The following PCSK5 variants were observed in gnomAD, a reference collection of about 807,000 sequenced individuals.
PCSK5 encodes the protein proprotein convertase subtilisin/kexin type 5, also known as prohormone convertase 5.
PCSK5 carries 129 observed loss-of-function variants against 233.2 expected under a neutral mutation model. That is an observed-to-expected ratio of 0.55 (90% CI 0.48 to 0.64). The LOEUF (loss-of-function observed/expected upper bound fraction) is 0.64, where lower values mean the gene tolerates loss of function less well. PCSK5 is among the 30% of genes least tolerant of loss of function. The pLI is 0.00. For synonymous variants in PCSK5, 825 were observed against 879.2 expected, an observed-to-expected ratio of 0.94 and a Z score of 1.09; for missense variants, 2,076 against 2,430.1, an observed-to-expected ratio of 0.85 and a Z score of 3.06.
At chr9:76,282,306 TTTTC>T (rs1166000696) in intron 24 of PCSK5, among the ~76,000 whole-genome samples, 2 of 149,992 alleles carry the variant, frequency 1.3e-5, no homozygotes, top group Non-Finnish European at 1.5e-5. Context: ...ATTTCCAATT[TTTTC>T]TTTCTTTCTT....
chr9:76,050,306 C>T (rs1212978059), intron 5 of PCSK5, among the ~76,000 whole-genome samples: 3 of 152,062 alleles, frequency 2.0e-5, no homozygotes, highest in Admixed American at 6.5e-5. Context: ...TTTGCTACTT[C>T]AGAAATATTT....
intron 22 of PCSK5, among the ~76,000 whole-genome samples, chr9:76,235,413 G>A (rs973078399): frequency 3.3e-5 from 5 of 152,162 alleles, no homozygotes; most frequent in East Asian, 3.8e-4. Flanking sequence ...CCAAACAAAT[G>A]TCTAGTCTTC....
chr9:75,908,933 C>CTCTCTCTA (rs1822567560), intron 1 of PCSK5, among the ~76,000 whole-genome samples: 6 of 94,588 alleles, frequency 6.3e-5, no homozygotes, highest in East Asian at 3.2e-4. Context: ...CTCTCTATCT[C>CTCTCTCTA]TCTCTCTGTC....
At chr9:75,938,867 A>C (rs1305143737) in intron 2 of PCSK5, among the ~76,000 whole-genome samples, 1 of 152,122 alleles carries the variant, frequency 6.6e-6, no homozygotes, top group African/African-American at 2.4e-5. Flanking sequence ...GTGGGGGTAC[A>C]TTTGTGGGTT....
Position 76,350,910 on chromosome 9 carries a change from G to T in PCSK5, c.5049G>T (p.Gly1683=). ...GGICTSDCLV[G]EYRVGEGEKF... ...TCTGCACCTCGGACTGTCTTGTGGG[G>T]GAATACAGAGTGGGAGAGGTATGGA... is the stretch of plus-strand genomic sequence containing the variant. Residue 1683 remains glycine (G), a synonymous_variant, in exon 36 of 38, where the codon GGG becomes GGT. Coordinates refer to ENST00000674117, the MANE Select transcript of PCSK5 (RefSeq NM_001372043.1). 1 of 1,598,952 alleles carries T rather than the reference G, an allele frequency of 6.3e-7. No individual in the cohort carries two copies. The highest frequency in any genetic ancestry group is 1.1e-5 in the South Asian group (1 of 90,216).
chr9:76,081,371 T>C (rs1830827613), intron 7 of PCSK5, among the ~76,000 whole-genome samples: 1 of 152,064 alleles, frequency 6.6e-6, no homozygotes, highest in Non-Finnish European at 1.5e-5. Flanking sequence ...GGAGAATCAC[T>C]TGAACCCGGG....
At chr9:76,285,667 G>A (rs529141722) in intron 24 of PCSK5, among the ~76,000 whole-genome samples, 6 of 152,230 alleles carry the variant, frequency 3.9e-5, no homozygotes, top group South Asian at 4.2e-4. Flanking sequence ...CCAGTTTTGC[G>A]GAGGGTTGAT....
chr9:75,990,195 G>A (rs921991573), intron 3 of PCSK5, among the ~76,000 whole-genome samples: 27 of 152,174 alleles, frequency 1.8e-4, no homozygotes, highest in African/African-American at 6.3e-4. Flanking sequence ...TGAGCCCTGA[G>A]CTGCTGCAGT....
rs146826977 is a variant in PCSK5 at position 75,931,733 on chromosome 9, T to C, written c.193-646T>C. Among the ~76,000 whole-genome samples the C allele has an allele frequency of 5.7e-3, 865 of 152,326 alleles. 6 individuals are homozygous for C. Among genetic ancestry groups the C allele is most frequent in the Non-Finnish European group, 9.1e-3 (616 of 68,024 alleles). On this transcript the variant is annotated intron_variant, in intron 1 of 37. Coordinates refer to ENST00000674117, the MANE Select transcript of PCSK5 (RefSeq NM_001372043.1). ...AGGACTAGAATGTTAGAGAAACGGA[T>C]AAGATAAAGTAGAACCAACTGTTTT...
At chr9:76,308,827 A>T (rs1349779351) in intron 29 of PCSK5, 99 bp downstream of exon 29, 1 of 698,668 alleles carries the variant, frequency 1.4e-6, no homozygotes, top group Non-Finnish European at 2.5e-6. Context: ...TAAGGCCTTG[A>T]TCTATTCCCA....
intron 17 of PCSK5, 128 bp downstream of exon 17, chr9:76,184,885 C>G (rs552543579): frequency 1.9e-6 from 1 of 531,844 alleles, no homozygotes; most frequent in South Asian, 2.8e-5. Context: ...GACTCCCATT[C>G]AAGCACTTGA....
intron 5 of PCSK5, among the ~76,000 whole-genome samples, chr9:76,038,408 C>T (rs11144725): frequency 0.15 from 22,296 of 152,178 alleles, 1,801 homozygotes; most frequent in South Asian, 0.29. Context: ...TGAATTCACA[C>T]TGGTCAGCAG....
chr9:76,344,515 T>C (rs974335487), intron 35 of PCSK5, among the ~76,000 whole-genome samples: 4 of 152,212 alleles, frequency 2.6e-5, no homozygotes, highest in Non-Finnish European at 5.9e-5. Flanking sequence ...CAGAGACATA[T>C]ATGGTTACCA....
intron 33 of PCSK5, among the ~76,000 whole-genome samples, chr9:76,331,831 A>G (rs10114151): frequency 0.23 from 34,275 of 151,990 alleles, 4,300 homozygotes; most frequent in African/African-American, 0.33. Flanking sequence ...GTGGAAAAGG[A>G]AAGGAAACAG....
At position 76,189,714 on chromosome 9, in the gene PCSK5, G is replaced by C. The variant is rs1450131992; in HGVS notation, c.2594G>C (p.Gly865Ala). 1 of 1,610,598 alleles carries C rather than the reference G, an allele frequency of 6.2e-7. No individual in the cohort carries two copies. The highest frequency in any genetic ancestry group is 1.3e-5 in the African/African-American group (1 of 74,950). ...CCTAGTGGGTATCTCTTAGACTTAG[G>C]AATGTGTCAAATGGGAGCCATTTGC... ...SCPSGYLLDL[G>A]MCQMGAICKD... Residue 865 changes from glycine to alanine, a missense_variant, in exon 20 of 38, where the codon GGA becomes GCA. Physicochemically the swap from Gly to Ala is moderately conservative, Grantham distance 60. This residue lies in a region of PCSK5 where 1,510 missense variants were observed against 1,538.1 expected (regional missense o/e 0.98). Transcript: ENST00000674117.
chr9:76,261,493 G>T (rs1018580880), intron 24 of PCSK5, among the ~76,000 whole-genome samples: 1 of 152,064 alleles, frequency 6.6e-6, no homozygotes, highest in Non-Finnish European at 1.5e-5. Context: ...CAAGCTGAGG[G>T]CCAAATCAAG....
intron 1 of PCSK5, among the ~76,000 whole-genome samples, chr9:75,895,268 A>G (rs1825760598): frequency 6.6e-6 from 1 of 152,186 alleles, no homozygotes. Context: ...CTGTAAAATG[A>G]TAAATCTCTA....
chr9:75,961,917 G>A (rs547409793), intron 2 of PCSK5, among the ~76,000 whole-genome samples: 2 of 152,334 alleles, frequency 1.3e-5, no homozygotes, highest in South Asian at 2.1e-4. Context: ...TTGTTGGACA[G>A]CACTAATTCT....
chr9:76,196,799 A>G (rs1824722126), intron 20 of PCSK5, among the ~76,000 whole-genome samples: 1 of 152,216 alleles, frequency 6.6e-6, no homozygotes, highest in African/African-American at 2.4e-5. Context: ...ATTATCCTCC[A>G]TTTACACATG....
Sources: gnomAD v4.1 joint callset for allele counts (sites outside exome capture counted in the v4.1 genomes callset) on GRCh38, gnomAD v4.1.1 for gene constraint, gnomAD v4.1.1 regional missense constraint, MANE v1.5 for transcripts, NCBI Gene and HGNC (gene_info 2026-07-23, HGNC 2026-07-21) for gene names.